Variants in CLASP1 observed in about 807,000 individuals in gnomAD.
CLASP1 encodes the protein cytoplasmic linker associated protein 1, also known as CLIP-associating protein 1.
In CLASP1, 38 loss-of-function variants were observed where a neutral mutation model predicts 192.3. The ratio of observed to expected loss-of-function variants is 0.20; its 90% CI spans 0.15 to 0.26. The LOEUF is 0.26. CLASP1 is among the 10% of genes least tolerant of loss of function. The probability of loss-of-function intolerance (pLI) is 1.00; values close to 1 mark genes in which losing one functional copy is unlikely to be tolerated. For synonymous variants in CLASP1, 691 were observed against 712.8 expected, an observed-to-expected ratio of 0.97 and a Z score of 0.49; for missense variants, 1,433 against 1,932.5, an observed-to-expected ratio of 0.74 and a Z score of 4.85.
intron 33 of CLASP1, among the ~76,000 whole-genome samples, chr2:121,381,700 T>C (rs1418371389): frequency 6.6e-6 from 1 of 152,214 alleles, no homozygotes; most frequent in Non-Finnish European, 1.5e-5. Context: ...GACTCCTTTC[T>C]GGATCTGTGT....
rs550777270 is a variant in CLASP1, at chr2:121,423,246, C to T, written c.2212+1893G>A. On this transcript the variant is annotated intron_variant, in intron 22 of 39. Coordinates refer to ENST00000263710, the Ensembl canonical transcript of CLASP1. Reference sequence around the variant, plus strand: ...ACACGTAACTGATCCCTTTAATTAGCATCAAGGAAATAACTTTCTTCAAAT... The same window carrying T: ...ACACGTAACTGATCCCTTTAATTAGTATCAAGGAAATAACTTTCTTCAAAT... Among the ~76,000 whole-genome samples the T allele has an allele frequency of 1.6e-4, 24 of 152,138 alleles. No individual in the cohort carries two copies. In the East Asian group the frequency reaches 3.9e-3, roughly 24 times the overall value.
At chr2:121,477,185 A>G (rs2091734434) in intron 8 of CLASP1, among the ~76,000 whole-genome samples, 1 of 152,242 alleles carries the variant, frequency 6.6e-6, no homozygotes, top group African/African-American at 2.4e-5. Flanking sequence ...TCTAGAACAG[A>G]GTCTGGGCCA....
chr2:121,369,184 G>A (rs1441704216), intron 34 of CLASP1, among the ~76,000 whole-genome samples: 2 of 152,170 alleles, frequency 1.3e-5, no homozygotes, highest in Admixed American at 6.5e-5. Flanking sequence ...ACACACTGGT[G>A]CACAAACATC....
rs1383914380 is a variant in CLASP1 at position 121,530,233 on chromosome 2, G to C, written c.274+14C>G. 1.3e-6 allele frequency: 2 copies of C among 1,545,814 alleles called. No homozygotes were observed. Among genetic ancestry groups the C allele is most frequent in the Non-Finnish European group, 8.7e-7 (1 of 1,143,014 alleles). On this transcript the variant is annotated intron_variant, in intron 3 of 39. Coordinates refer to ENST00000263710, the Ensembl canonical transcript of CLASP1. Reference sequence around the variant, plus strand: ...TGAAGGGGCCGGGTCCGCTCCACAAGTGCCGCAGCTCACCTGTGCCGATCT... The same window carrying C: ...TGAAGGGGCCGGGTCCGCTCCACAACTGCCGCAGCTCACCTGTGCCGATCT...
chr2:121,535,630 T>C (rs6715510), intron 2 of CLASP1, among the ~76,000 whole-genome samples: 44,967 of 151,532 alleles, frequency 0.3, 10,538 homozygotes, highest in African/African-American at 0.65. Context: ...AGGTAAAAAG[T>C]AACGGCTGAC....
intron 2 of CLASP1, among the ~76,000 whole-genome samples, chr2:121,576,422 G>A (rs190380063): frequency 1.3e-5 from 2 of 152,304 alleles, no homozygotes; most frequent in East Asian, 1.9e-4. Flanking sequence ...TGTACAAAGA[G>A]GTAGCTTGAG....
chr2:121,602,605 C>G (rs1401155965), intron 2 of CLASP1, among the ~76,000 whole-genome samples: 1 of 152,176 alleles, frequency 6.6e-6, no homozygotes, highest in Non-Finnish European at 1.5e-5. Context: ...GTCATAAAAA[C>G]AGACACATAG....
chr2:121,360,053 T>C (rs2066077880), intron 37 of CLASP1, among the ~76,000 whole-genome samples: 1 of 152,232 alleles, frequency 6.6e-6, no homozygotes, highest in African/African-American at 2.4e-5. Context: ...TTACAGAAAT[T>C]GTATTTCAAG....
At chr2:121,483,646 GT>G (rs199695030) in intron 8 of CLASP1, among the ~76,000 whole-genome samples, 2 of 151,578 alleles carry the variant, frequency 1.3e-5, no homozygotes, top group Admixed American at 6.6e-5. Flanking sequence ...TAATATGTCT[GT>G]TTTTTTGGTG....
In CLASP1 at chr2:121,439,167, A is replaced by G. The variant is rs1213866973; in HGVS notation, c.1912+8170T>C. ...TGGTAGTTTGTATTTCTGTGGGATCAGTGGTGATATCCCCTTTATCATTTT... is the reference window on the plus strand; with the variant it reads ...TGGTAGTTTGTATTTCTGTGGGATCGGTGGTGATATCCCCTTTATCATTTT... On this transcript the variant is annotated intron_variant, in intron 19 of 39. Coordinates refer to ENST00000263710, the Ensembl canonical transcript of CLASP1. Among the ~76,000 whole-genome samples, 312 of 152,154 alleles carry G rather than the reference A, an allele frequency of 2.1e-3. 1 individual carries two copies. The highest frequency in any genetic ancestry group is 6.9e-3 in the African/African-American group (286 of 41,508).
At chr2:121,389,645 G>A (rs931350070) in intron 30 of CLASP1, among the ~76,000 whole-genome samples, 1 of 152,110 alleles carries the variant, frequency 6.6e-6, no homozygotes, top group Admixed American at 6.6e-5. Context: ...TAAAATATAT[G>A]ATTACATTCT....
intron 2 of CLASP1, among the ~76,000 whole-genome samples, chr2:121,599,986 T>C (rs140159792): frequency 6.6e-6 from 1 of 152,198 alleles, no homozygotes; most frequent in African/African-American, 2.4e-5. Flanking sequence ...GCTAATCCCT[T>C]TAATCTAAAA....
chr2:121,646,081 G>C (rs2073121947), intron 1 of CLASP1, among the ~76,000 whole-genome samples: 2 of 152,140 alleles, frequency 1.3e-5, no homozygotes, highest in African/African-American at 4.8e-5. Flanking sequence ...ACTTCGCTTA[G>C]TTTTTGTTTT....
At chr2:121,404,498 A>T in intron 25 of CLASP1, 64 bp from the exon 27 acceptor site, 1 of 1,419,608 alleles carries the variant, frequency 7.0e-7, no homozygotes, top group Non-Finnish European at 9.7e-7. Context: ...ACAGGGTCTC[A>T]CTCTATTACC....
intron 22 of CLASP1, among the ~76,000 whole-genome samples, chr2:121,419,333 C>T (rs1444884346): frequency 6.6e-6 from 1 of 151,782 alleles, no homozygotes; most frequent in Non-Finnish European, 1.5e-5. Flanking sequence ...ATGCTTCAAA[C>T]ATATCCAATT....
intron 2 of CLASP1, among the ~76,000 whole-genome samples, chr2:121,559,358 G>A (rs1417090041): frequency 1.3e-5 from 2 of 152,036 alleles, no homozygotes; most frequent in African/African-American, 4.8e-5. Context: ...ATATACCCAA[G>A]AGATTTAAAA....
intron 7 of CLASP1, chr2:121,504,048 T>C (rs1371012946): frequency 2.0e-5 from 3 of 151,982 alleles, no homozygotes; most frequent in African/African-American, 4.8e-5. Context: ...CTGGCCAACA[T>C]AGTGAAATCC....
At chr2:121,403,433 A>T (rs1301559520) in intron 26 of CLASP1, 1 of 456,604 alleles carries the variant, frequency 2.2e-6, no homozygotes, top group Non-Finnish European at 4.4e-6. Flanking sequence ...ATAGGAAAAG[A>T]AAGAAGATGA....
intron 9 of CLASP1, 39 bp downstream of exon 9, chr2:121,469,769 A>G (rs758484243): frequency 6.4e-7 from 1 of 1,571,456 alleles, no homozygotes; most frequent in Non-Finnish European, 8.6e-7. Flanking sequence ...AAAAGCTGGC[A>G]TAGCTGACCC....
Sources: allele counts gnomAD v4.1 joint callset (sites outside exome capture counted in the v4.1 genomes callset), GRCh38; gene constraint gnomAD v4.1.1; transcripts MANE v1.5; gene names NCBI Gene and HGNC (gene_info 2026-07-23, HGNC 2026-07-21).